The following GRID2 variants were observed in gnomAD, a reference collection of about 807,000 sequenced individuals.
The protein encoded by GRID2 is glutamate receptor ionotropic, delta-2.
In GRID2, 33 loss-of-function variants were observed where a neutral mutation model predicts 114.8. The ratio of observed to expected loss-of-function variants is 0.29; its 90% CI spans 0.22 to 0.38. The LOEUF is 0.38. Ranked by LOEUF, GRID2 falls within the 10% of genes least tolerant of loss-of-function variation. The pLI, the probability that GRID2 is intolerant of heterozygous loss-of-function variation, is 1.00. For synonymous variants in GRID2, 505 were observed against 449.9 expected (o/e 1.12, Z -1.55); for missense variants, 1,184 against 1,257.7 (o/e 0.94, Z 0.89).
intron 13 of GRID2, among the ~76,000 whole-genome samples, chr4:93,550,873 A>T (rs919314207): frequency 2.0e-5 from 3 of 152,084 alleles, no homozygotes; most frequent in African/African-American, 7.2e-5. Flanking sequence ...TAATTTTTTC[A>T]AATTTTGTAT....
intron 1 of GRID2, among the ~76,000 whole-genome samples, chr4:92,450,297 G>A (rs747571399): frequency 5.9e-5 from 9 of 152,052 alleles, no homozygotes; most frequent in Non-Finnish European, 1.2e-4. Flanking sequence ...GTAGAATGCA[G>A]TGAGGCATTA....
chr4:93,631,578 G>A (rs933783379), intron 14 of GRID2, among the ~76,000 whole-genome samples: 20 of 151,994 alleles, frequency 1.3e-4, no homozygotes, highest in Non-Finnish European at 2.6e-4. Flanking sequence ...GTATTCCATG[G>A]TGTGTATGTG....
At chr4:92,853,978 C>T (rs1030105741) in intron 2 of GRID2, among the ~76,000 whole-genome samples, 1 of 151,326 alleles carries the variant, frequency 6.6e-6, no homozygotes, top group Non-Finnish European at 1.5e-5. Context: ...ACATGTACCC[C>T]CATATCTAAA....
At chr4:92,831,307 A>G (rs1188135196) in intron 2 of GRID2, among the ~76,000 whole-genome samples, 1 of 152,200 alleles carries the variant, frequency 6.6e-6, no homozygotes, top group Non-Finnish European at 1.5e-5. Context: ...TGCTTCACAG[A>G]AAACCAAAGA....
At chr4:93,524,137 CT>C (rs1301264305) in intron 13 of GRID2, among the ~76,000 whole-genome samples, 1 of 152,044 alleles carries the variant, frequency 6.6e-6, no homozygotes, top group East Asian at 1.9e-4. Context: ...GGGTTAGGCC[CT>C]TATTACAGAA....
intron 14 of GRID2, among the ~76,000 whole-genome samples, chr4:93,736,598 G>T (rs1730941488): frequency 1.3e-5 from 2 of 151,886 alleles, no homozygotes; most frequent in African/African-American, 2.4e-5. Context: ...AGTTGTATTG[G>T]TAGTCACTCA....
chr4:92,485,374 T>C (rs1443621841), intron 1 of GRID2, among the ~76,000 whole-genome samples: 2 of 141,064 alleles, frequency 1.4e-5, no homozygotes, highest in Non-Finnish European at 3.0e-5. Flanking sequence ...TGTGTGAGTG[T>C]ATGTGTGTGT....
chr4:93,366,385 TC>T (rs1363338601), intron 8 of GRID2, among the ~76,000 whole-genome samples: 1 of 152,050 alleles, frequency 6.6e-6, no homozygotes, highest in Non-Finnish European at 1.5e-5. Context: ...GACTCCAGTC[TC>T]CTATAGCACT....
intron 10 of GRID2, among the ~76,000 whole-genome samples, chr4:93,426,265 CCTT>C (rs1274498058): frequency 1.3e-5 from 2 of 152,086 alleles, no homozygotes; most frequent in African/African-American, 2.4e-5. Flanking sequence ...CAGTCCTCTT[CCTT>C]CTTATTAAAA....
At chr4:92,662,590 T>TA (rs533754139) in intron 2 of GRID2, among the ~76,000 whole-genome samples, 49 of 144,704 alleles carry the variant, frequency 3.4e-4, no homozygotes, top group Admixed American at 4.8e-4. Context: ...GGATAAAGAA[T>TA]AAAAAAAAAA....
chr4:92,723,401 A>G (rs940231666), intron 2 of GRID2, among the ~76,000 whole-genome samples: 1 of 152,282 alleles, frequency 6.6e-6, no homozygotes, highest in African/African-American at 2.4e-5. Context: ...TGATGACAGT[A>G]TATGTTGTAA....
At chr4:92,861,385 G>A (rs749352595) in intron 2 of GRID2, among the ~76,000 whole-genome samples, 1 of 151,982 alleles carries the variant, frequency 6.6e-6, no homozygotes, top group Non-Finnish European at 1.5e-5. Context: ...TGTGAATTAC[G>A]CAGGGGACAC....
At chr4:92,338,459 A>T (rs555873480) in intron 1 of GRID2, among the ~76,000 whole-genome samples, 2 of 152,276 alleles carry the variant, frequency 1.3e-5, no homozygotes, top group Middle Eastern at 3.4e-3. Context: ...TAATTGAGAA[A>T]TTATGATAGT....
chr4:93,799,250 C>T (rs1734869716), intron 1 of GRID2, among the ~76,000 whole-genome samples: 1 of 152,092 alleles, frequency 6.6e-6, no homozygotes, highest in Non-Finnish European at 1.5e-5. Flanking sequence ...TTATGTGACT[C>T]TAAATTGATT....
intron 10 of GRID2, among the ~76,000 whole-genome samples, chr4:93,429,465 T>C (rs908875682): frequency 2.6e-5 from 4 of 152,190 alleles, no homozygotes; most frequent in African/African-American, 9.7e-5. Context: ...TGATGGTTAT[T>C]ACAATGGAAG....
intron 8 of GRID2, among the ~76,000 whole-genome samples, chr4:93,242,399 C>T (rs943323787): frequency 1.7e-4 from 26 of 152,010 alleles, no homozygotes; most frequent in African/African-American, 6.0e-4. Flanking sequence ...TGTCCAGCAG[C>T]ATTGAGCAGA....
chr4:92,944,007 TC>T (rs1553954686), intron 2 of GRID2, among the ~76,000 whole-genome samples: 20 of 152,156 alleles, frequency 1.3e-4, no homozygotes, highest in Non-Finnish European at 1.5e-5. Flanking sequence ...GGGGGGTGCC[TC>T]CCAGTTAGGC....
intron 3 of GRID2, among the ~76,000 whole-genome samples, chr4:93,094,006 C>A (rs929631452): frequency 6.6e-6 from 1 of 152,038 alleles, no homozygotes; most frequent in African/African-American, 2.4e-5. Context: ...TCAGCTCAGA[C>A]TGATTCTTTC....
At chr4:93,088,747 C>T (rs1355415976) in intron 3 of GRID2, among the ~76,000 whole-genome samples, 1 of 152,062 alleles carries the variant, frequency 6.6e-6, no homozygotes, top group African/African-American at 2.4e-5. Flanking sequence ...TTGATCTTCT[C>T]AGTAGCTCTG....
Sources: allele counts gnomAD v4.1 joint callset (sites outside exome capture counted in the v4.1 genomes callset), GRCh38; gene constraint gnomAD v4.1.1; transcripts MANE v1.5; gene names NCBI Gene and HGNC (gene_info 2026-07-23, HGNC 2026-07-21).